Variants in GUCY1A2 observed in about 807,000 individuals in gnomAD.
The protein encoded by GUCY1A2 is guanylate cyclase 1 soluble subunit alpha 2, also known as guanylate cyclase soluble subunit alpha-2.
Under a neutral mutation model 63.5 loss-of-function variants are expected in GUCY1A2, and 27 were observed. The observed-to-expected ratio is 0.43, with a 90% CI of 0.31 to 0.59. The LOEUF (loss-of-function observed/expected upper bound fraction) is 0.59, where lower values mean the gene tolerates loss of function less well. Among genes scored for constraint, GUCY1A2 ranks in the 20% least tolerant of loss-of-function variants. GUCY1A2 has a pLI of 0.11. For synonymous variants in GUCY1A2, 364 were observed against 343.5 expected, an observed-to-expected ratio of 1.06 and a Z score of -0.66; for missense variants, 768 against 913.3, an observed-to-expected ratio of 0.84 and a Z score of 2.05.
intron 4 of GUCY1A2, among the ~76,000 whole-genome samples, chr11:106,886,600 CATAAAT>C (rs1565320730): frequency 6.6e-6 from 1 of 151,874 alleles, no homozygotes; most frequent in East Asian, 1.9e-4. Context: ...TGTTTATAAA[CATAAAT>C]ATATACAAAT....
At chr11:106,990,026 G>A (rs1861451033) in intron 1 of GUCY1A2, among the ~76,000 whole-genome samples, 1 of 152,148 alleles carries the variant, frequency 6.6e-6, no homozygotes, top group Non-Finnish European at 1.5e-5. Context: ...AAGAGACGAG[G>A]GTGGGAAAGG....
Position 106,681,321 on chromosome 11 carries a change from A to G in GUCY1A2, c.*6228T>C, listed in dbSNP as rs1469755325. 8.9e-6 allele frequency: 2 copies of G among 225,416 alleles called. No individual in the cohort carries two copies. Among genetic ancestry groups the G allele is most frequent in the Non-Finnish European group, 1.8e-5 (2 of 113,030 alleles). 14.0% of individuals were successfully genotyped at this position (225,416 alleles called of 1,614,324 possible). On this transcript the variant is annotated 3_prime_UTR_variant, in exon 8 of 8. Transcript: ENST00000526355. ...GACCATATCAAACCAACATTTGAAT[A>G]AATCTGCCGCAAGACCCATCTATAT...
chr11:106,771,826 C>T (rs1387736544), intron 6 of GUCY1A2, among the ~76,000 whole-genome samples: 1 of 152,006 alleles, frequency 6.6e-6, no homozygotes, highest in Non-Finnish European at 1.5e-5. Context: ...TGCTGTTCTT[C>T]CATATTTTCA....
chr11:106,911,243 T>G (rs1246635489), intron 4 of GUCY1A2, among the ~76,000 whole-genome samples: 2 of 152,032 alleles, frequency 1.3e-5, no homozygotes, highest in African/African-American at 4.8e-5. Context: ...GTTCCCACAA[T>G]AGCCACTTCT....
chr11:106,892,860 A>C (rs771437015), intron 4 of GUCY1A2, among the ~76,000 whole-genome samples: 1 of 152,156 alleles, frequency 6.6e-6, no homozygotes, highest in African/African-American at 2.4e-5. Flanking sequence ...TTTACATACA[A>C]GAGAATTCTT....
chr11:106,934,635 T>C (rs1325641849), intron 4 of GUCY1A2, among the ~76,000 whole-genome samples: 1 of 152,210 alleles, frequency 6.6e-6, no homozygotes, highest in Non-Finnish European at 1.5e-5. Flanking sequence ...CGTTTGATTG[T>C]AGCTTCTAAT....
intron 4 of GUCY1A2, among the ~76,000 whole-genome samples, chr11:106,925,400 T>C (rs2119920278): frequency 6.6e-6 from 1 of 152,314 alleles, no homozygotes; most frequent in African/African-American, 2.4e-5. Context: ...TACCAAGAGG[T>C]ATGAAATCTG....
rs375506692 is a variant in GUCY1A2, at chr11:106,882,028, G to A, written c.1206+57432C>T. Among the ~76,000 whole-genome samples the A allele has an allele frequency of 1.3e-4, 20 of 151,876 alleles. No homozygotes were observed. The East Asian group carries it at 1.9e-3, about 15-fold the overall frequency. ...ATGATGAGTAATTTTTTCTCCACTG[G>A]AAATTTTCAAAAAGCGCTCTCATTC... On this transcript the variant is annotated intron_variant, in intron 4 of 7. Coordinates refer to ENST00000526355, the MANE Select transcript of GUCY1A2 (RefSeq NM_000855.3).
At chr11:106,827,577 T>C (rs1023118619) in intron 4 of GUCY1A2, 5 of 1,452,390 alleles carry the variant, frequency 3.4e-6, no homozygotes, top group Non-Finnish European at 4.8e-6. Context: ...CTTATATACA[T>C]GCTGATTGCC....
intron 4 of GUCY1A2, among the ~76,000 whole-genome samples, chr11:106,923,628 A>AT (rs1235243866): frequency 5.9e-5 from 9 of 152,070 alleles, no homozygotes; most frequent in African/African-American, 1.7e-4. Flanking sequence ...TAGGAGAAAG[A>AT]TTTTTTTTAA....
chr11:106,687,238 CAAG>C lies in GUCY1A2; in HGVS notation c.*308_*310del, dbSNP rs1315537249. Reference sequence around the variant, plus strand: ...GAAAGATACTTGTATGTGTGATAAACAAGAAAACATGGAATCTATTTATTGGTT... The same window carrying C: ...GAAAGATACTTGTATGTGTGATAAACAAAACATGGAATCTATTTATTGGTT... On this transcript the variant is annotated 3_prime_UTR_variant, in exon 8 of 8. Coordinates refer to ENST00000526355, the MANE Select transcript of GUCY1A2 (RefSeq NM_000855.3). The C allele has an allele frequency of 6.8e-6, 2 of 294,596 alleles. No homozygotes were observed. The highest frequency in any genetic ancestry group is 1.3e-5 in the Non-Finnish European group (2 of 157,582). 18.2% of individuals were successfully genotyped at this position (294,596 alleles called of 1,614,324 possible).
intron 4 of GUCY1A2, among the ~76,000 whole-genome samples, chr11:106,892,292 C>T (rs749324667): frequency 5.3e-5 from 8 of 151,988 alleles, no homozygotes; most frequent in Non-Finnish European, 8.8e-5. Flanking sequence ...AAATTTAGGG[C>T]CATTTCCCTT....
intron 5 of GUCY1A2, among the ~76,000 whole-genome samples, chr11:106,807,620 C>T (rs1050346406): frequency 9.2e-5 from 14 of 152,062 alleles, no homozygotes; most frequent in African/African-American, 1.7e-4. Context: ...TGAGTGTAAA[C>T]GTCATTGGAT....
At chr11:106,776,307 C>T (rs554112518) in intron 6 of GUCY1A2, 132 bp downstream of exon 6, 1 of 659,126 alleles carries the variant, frequency 1.5e-6, no homozygotes, top group African/African-American at 1.8e-5. Flanking sequence ...TCTCTAGTCA[C>T]TCCTTGTCCT....
chr11:106,757,653 C>T (rs898974174), intron 6 of GUCY1A2, among the ~76,000 whole-genome samples: 1 of 152,126 alleles, frequency 6.6e-6, no homozygotes, highest in East Asian at 1.9e-4. Flanking sequence ...CACTCCAGAC[C>T]CTGTTTACCC....
At chr11:106,796,164 C>T (rs892681703) in intron 5 of GUCY1A2, among the ~76,000 whole-genome samples, 2 of 152,064 alleles carry the variant, frequency 1.3e-5, no homozygotes, top group Non-Finnish European at 1.5e-5. Context: ...TGCTTGGTAG[C>T]TCTTCCTCCA....
intron 4 of GUCY1A2, among the ~76,000 whole-genome samples, chr11:106,899,258 C>T (rs907019117): frequency 2.0e-5 from 3 of 152,094 alleles, no homozygotes; most frequent in Middle Eastern, 3.4e-3. Flanking sequence ...GAAATCAATC[C>T]ATACAATGAA....
intron 3 of GUCY1A2, among the ~76,000 whole-genome samples, chr11:106,943,533 C>T (rs1015427159): frequency 1.4e-4 from 21 of 152,184 alleles, no homozygotes; most frequent in African/African-American, 4.8e-4. Context: ...TGATCTGGCC[C>T]TGTTGTCTCT....
At position 107,017,987 on chromosome 11, in the gene GUCY1A2, C is replaced by T. The variant is rs1861851272; in HGVS notation, c.69G>A (p.Pro23=). Reference sequence around the variant, plus strand: ...ACAGGGGGCACTCCCCCTCCTCCTCCGGGCTGGTCTCCAGGTAGTCGGAGC... The same window carrying T: ...ACAGGGGGCACTCCCCCTCCTCCTCTGGGCTGGTCTCCAGGTAGTCGGAGC... ...SLGSDYLETS[P]EEEGECPLSR... is the part of the protein sequence containing the mutation. The change falls in exon 1 of 8, where the codon CCG becomes CCA. Residue 23 remains proline, a synonymous_variant. Transcript: ENST00000526355. 1 of 1,459,090 alleles carries T rather than the reference C, an allele frequency of 6.9e-7. No homozygotes were observed. The highest frequency in any genetic ancestry group is 1.5e-5 in the African/African-American group (1 of 68,534). 90.4% of individuals were successfully genotyped at this position (1,459,090 alleles called of 1,614,324 possible).
Sources: allele counts gnomAD v4.1 joint callset (sites outside exome capture counted in the v4.1 genomes callset), GRCh38; gene constraint gnomAD v4.1.1; transcripts MANE v1.5; gene names NCBI Gene and HGNC (gene_info 2026-07-23, HGNC 2026-07-21).